EPHA6: variants seen among roughly 807,000 people sequenced by gnomAD.
EPHA6 encodes EPH receptor A6.
A neutral mutation model predicts 112.0 loss-of-function variants in EPHA6; 50 were observed. That is an observed-to-expected ratio of 0.45 (90% CI 0.36 to 0.56). The LOEUF is 0.56. Ranked by LOEUF, EPHA6 falls within the 20% of genes least tolerant of loss-of-function variation. The probability of loss-of-function intolerance (pLI) is 0.00; values close to 1 mark genes in which losing one functional copy is unlikely to be tolerated. For missense variants in EPHA6, 1,280 were observed against 1,417.4 expected (o/e 0.90, Z 1.56); for synonymous variants, 529 against 490.7 (o/e 1.08, Z -1.03).
At chr3:97,740,825 G>A (rs1209734991) in intron 16 of EPHA6, among the ~76,000 whole-genome samples, 4 of 151,756 alleles carry the variant, frequency 2.6e-5, no homozygotes, top group Non-Finnish European at 5.9e-5. Context: ...TGCCACATAG[G>A]CAATACATAA....
At chr3:97,283,758 T>C (rs1309112871) in intron 5 of EPHA6, among the ~76,000 whole-genome samples, 1 of 152,110 alleles carries the variant, frequency 6.6e-6, no homozygotes, top group African/African-American at 2.4e-5. Context: ...GTGTATCTCA[T>C]AACTTAAAAT....
At chr3:97,352,549 AAAGAAAC>A (rs2083866239) in intron 5 of EPHA6, among the ~76,000 whole-genome samples, 1 of 152,144 alleles carries the variant, frequency 6.6e-6, no homozygotes, top group African/African-American at 2.4e-5. Context: ...GTCACAGTGG[AAAGAAAC>A]ATGGGGTGGA....
intron 3 of EPHA6, among the ~76,000 whole-genome samples, chr3:97,114,023 A>C (rs1024742772): frequency 1.3e-5 from 2 of 152,102 alleles, no homozygotes; most frequent in Non-Finnish European, 2.9e-5. Context: ...GTTCCTGATC[A>C]CGAGGAGGAG....
intron 5 of EPHA6, among the ~76,000 whole-genome samples, chr3:97,267,988 A>C (rs570953917): frequency 5.3e-5 from 8 of 152,198 alleles, no homozygotes; most frequent in Non-Finnish European, 1.2e-4. Context: ...TATAACAAGA[A>C]CAAAGGTAGG....
In EPHA6 at chr3:97,626,352, A is replaced by G. The variant is rs147073081; in HGVS notation, c.2575-11521A>G. Among the ~76,000 whole-genome samples the G allele has an allele frequency of 1.1e-3, 168 of 151,946 alleles. 1 individual carries two copies. Among genetic ancestry groups the G allele is most frequent in the African/African-American group, 3.3e-3 (139 of 41,522 alleles). ...CATTCAGCTGATGCTGAAGAACATA[A>G]ATGTGTTATGGCAGTGATGTGCATG... On this transcript the variant is annotated intron_variant, in intron 13 of 17. Transcript: ENST00000389672.
chr3:96,829,782 C>G (rs983514246), intron 1 of EPHA6, among the ~76,000 whole-genome samples: 10 of 151,954 alleles, frequency 6.6e-5, no homozygotes, highest in Admixed American at 6.6e-4. Context: ...TGATGAGTAT[C>G]TTATTAATAC....
chr3:97,543,404 T>A (rs1413207647), intron 11 of EPHA6, among the ~76,000 whole-genome samples: 1 of 152,226 alleles, frequency 6.6e-6, no homozygotes, highest in East Asian at 1.9e-4. Context: ...CAGATAGCTG[T>A]AGATATGCAG....
chr3:97,482,604 G>C (rs1016452616), intron 9 of EPHA6, among the ~76,000 whole-genome samples: 1 of 152,200 alleles, frequency 6.6e-6, no homozygotes. Flanking sequence ...TGAAGGCAAT[G>C]GGCATAGAAG....
rs114915944 is a variant in EPHA6, at chr3:97,512,364, G to A, written c.2201-19994G>A. On this transcript the variant is annotated intron_variant, in intron 10 of 17. Transcript: ENST00000389672. ...ATTAAAACTATGCAAAGTATTTGTT[G>A]CTGTTAAGGACTAGCATAGTATCAT... is the stretch of plus-strand genomic sequence containing the variant. Among the ~76,000 whole-genome samples the A allele has an allele frequency of 8.2e-3, 1,254 of 152,208 alleles. 15 individuals are homozygous for A. The highest frequency in any genetic ancestry group is 0.027 in the African/African-American group (1,115 of 41,530).
rs567638342 is a variant in EPHA6 at position 97,547,652 on chromosome 3, C to A, written c.2386+15109C>A. ...TGCTGTCTTTTTGTCTGTGCCCTGC[C>A]CCCAGAGGTGGAGCCTACAGAGGCA... On this transcript the variant is annotated intron_variant, in intron 11 of 17. Coordinates refer to ENST00000389672, the MANE Select transcript of EPHA6 (RefSeq NM_001080448.3). Among the ~76,000 whole-genome samples the A allele has an allele frequency of 6.6e-4, 100 of 152,288 alleles. 2 individuals are homozygous for A. Among genetic ancestry groups the A allele is most frequent in the South Asian group, 2.3e-3 (11 of 4,830 alleles).
At chr3:96,842,922 C>T (rs1423196588) in intron 1 of EPHA6, among the ~76,000 whole-genome samples, 1 of 152,000 alleles carries the variant, frequency 6.6e-6, no homozygotes, top group Non-Finnish European at 1.5e-5. Context: ...GCCAGCTTTT[C>T]TCCCAGCTGC....
At chr3:96,876,466 C>G (rs1042720505) in intron 2 of EPHA6, among the ~76,000 whole-genome samples, 5 of 151,194 alleles carry the variant, frequency 3.3e-5, no homozygotes, top group African/African-American at 4.9e-5. Context: ...CTTTCTCCAG[C>G]CCCTTCTTCT....
chr3:97,233,419 T>C (rs72924441), intron 4 of EPHA6, among the ~76,000 whole-genome samples: 1,917 of 152,180 alleles, frequency 0.013, 44 homozygotes, highest in African/African-American at 0.042. Flanking sequence ...GTTAAGAGGT[T>C]GTTGAACAAT....
intron 2 of EPHA6, among the ~76,000 whole-genome samples, chr3:96,911,827 A>C (rs540764640): frequency 6.6e-6 from 1 of 152,152 alleles, no homozygotes; most frequent in South Asian, 2.1e-4. Flanking sequence ...CTTTAAATAT[A>C]TTTTAATCTA....
At chr3:97,625,501 C>A (rs1054978855) in intron 13 of EPHA6, among the ~76,000 whole-genome samples, 1 of 151,492 alleles carries the variant, frequency 6.6e-6, no homozygotes, top group Non-Finnish European at 1.5e-5. Context: ...AAATTTTGTT[C>A]TATTTTTCTT....
chr3:97,671,601 C>G (rs2107659177), intron 14 of EPHA6, among the ~76,000 whole-genome samples: 1 of 152,242 alleles, frequency 6.6e-6, no homozygotes, highest in South Asian at 2.1e-4. Context: ...GCTTAATTCA[C>G]ATATTACCTT....
chr3:96,849,439 A>G (rs2035261710), intron 1 of EPHA6, among the ~76,000 whole-genome samples: 2 of 152,164 alleles, frequency 1.3e-5, no homozygotes, highest in South Asian at 2.1e-4. Context: ...GCTTTGTGTC[A>G]GGAAAACTTC....
At chr3:97,425,210 G>A (rs1477595226) in intron 6 of EPHA6, among the ~76,000 whole-genome samples, 1 of 152,170 alleles carries the variant, frequency 6.6e-6, no homozygotes, top group Non-Finnish European at 1.5e-5. Flanking sequence ...GCTCCACTAG[G>A]CAGTACCCCA....
At chr3:97,409,920 C>A (rs2087601450) in intron 6 of EPHA6, among the ~76,000 whole-genome samples, 1 of 151,980 alleles carries the variant, frequency 6.6e-6, no homozygotes, top group South Asian at 2.1e-4. Context: ...TATAACCTGC[C>A]AGTGTTTCAC....
Sources: gnomAD v4.1 joint callset for allele counts (sites outside exome capture counted in the v4.1 genomes callset) on GRCh38, gnomAD v4.1.1 for gene constraint, MANE v1.5 for transcripts, NCBI Gene and HGNC (gene_info 2026-07-23, HGNC 2026-07-21) for gene names.